FNIP1: variants seen among roughly 807,000 people sequenced by gnomAD.
The protein encoded by FNIP1 is folliculin-interacting protein 1.
Under a neutral mutation model 124.5 loss-of-function variants are expected in FNIP1, and 40 were observed. That is an observed-to-expected ratio of 0.32 (90% confidence interval 0.25 to 0.42). The LOEUF (loss-of-function observed/expected upper bound fraction) is 0.42. FNIP1 is among the 10% of genes least tolerant of loss of function. The pLI is 1.00. For missense variants in FNIP1, 1,176 were observed against 1,403.7 expected, an observed-to-expected ratio of 0.84 and a Z score of 2.59; for synonymous variants, 472 against 470.6, an observed-to-expected ratio of 1.00 and a Z score of -0.04.
chr5:131,706,587 C>T, intron 8 of FNIP1, 41 bp from the exon 9 acceptor site: 1 of 1,441,772 alleles, frequency 6.9e-7, no homozygotes, highest in Non-Finnish European at 9.2e-7. Context: ...TCAATAATGA[C>T]TAAGCATAAT....
At chr5:131,650,235 T>C (rs989271585) in intron 16 of FNIP1, among the ~76,000 whole-genome samples, 2 of 152,182 alleles carry the variant, frequency 1.3e-5, no homozygotes, top group African/African-American at 4.8e-5. Flanking sequence ...TAATATTAAG[T>C]CTTTCAATCC....
chr5:131,783,630 TAAAC>T (rs1265349961), intron 1 of FNIP1, among the ~76,000 whole-genome samples: 2 of 151,190 alleles, frequency 1.3e-5, no homozygotes, highest in African/African-American at 2.4e-5. Context: ...AAAACAAAAA[TAAAC>T]AAAATCATGA....
At chr5:131,710,064 T>C (rs1260520808) in intron 7 of FNIP1, among the ~76,000 whole-genome samples, 2 of 152,218 alleles carry the variant, frequency 1.3e-5, no homozygotes, top group African/African-American at 2.4e-5. Flanking sequence ...TAAGCAAATA[T>C]AGTCATATAT....
At chr5:131,687,060 T>C (rs1274583630) in intron 11 of FNIP1, among the ~76,000 whole-genome samples, 1 of 150,848 alleles carries the variant, frequency 6.6e-6, no homozygotes, top group East Asian at 1.9e-4. Flanking sequence ...GTAATTTAAA[T>C]TCCAAAGAAA....
Position 131,750,638 on chromosome 5 carries a change from A to T in FNIP1, c.93-5948T>A, listed in dbSNP as rs187401891. On this transcript the variant is annotated intron_variant, in intron 1 of 17. Transcript: ENST00000510461. The stretch of plus-strand genomic sequence containing the variant: ...TTTCTTTTTTTTTTTTTTTAGACAG[A>T]GTCTCTCTCTGTCTCTCAGGCTGGG... 4.8e-3 allele frequency among the ~76,000 whole-genome samples: 720 copies of T among 148,784 alleles called. 5 individuals carry two copies. The highest frequency in any genetic ancestry group is 0.017 in the African/African-American group (681 of 40,222).
intron 5 of FNIP1, 97 bp downstream of exon 5, chr5:131,718,889 A>G: frequency 2.1e-6 from 2 of 966,914 alleles, no homozygotes; most frequent in Non-Finnish European, 3.2e-6. Context: ...AAGACAGAAA[A>G]TCTGAACTTG....
chr5:131,761,731 G>A, intron 1 of FNIP1, among the ~76,000 whole-genome samples: 1 of 151,448 alleles, frequency 6.6e-6, no homozygotes, highest in East Asian at 1.9e-4. Context: ...AAATACCAAT[G>A]ACATTCTTGA....
chr5:131,647,634 G>A (rs546963737), intron 16 of FNIP1, among the ~76,000 whole-genome samples: 7 of 151,814 alleles, frequency 4.6e-5, no homozygotes, highest in East Asian at 3.9e-4. Context: ...CACCACACCC[G>A]GCTAATTTCT....
At chr5:131,726,878 A>G (rs1415741140) in intron 3 of FNIP1, among the ~76,000 whole-genome samples, 1 of 149,208 alleles carries the variant, frequency 6.7e-6, no homozygotes, top group Non-Finnish European at 1.5e-5. Context: ...GTTCAAACTT[A>G]TTTATTTCTG....
Position 131,642,103 on chromosome 5 carries a change from T to G in FNIP1, c.*2582A>C, listed in dbSNP as rs893646263. The G allele has an allele frequency of 2.0e-5, 3 of 152,764 alleles. No individual in the cohort carries two copies. Among genetic ancestry groups the G allele is most frequent in the Non-Finnish European group, 4.4e-5 (3 of 68,042 alleles). 9.5% of individuals were successfully genotyped at this position (152,764 alleles called of 1,614,324 possible). A position where few individuals can be genotyped will look rare whatever the true frequency, so the allele number is the denominator to read the frequency against. ...TCTATAATGTAAAAGATCCCTTTTT[T>G]ATTTCCTGTTTCAATAAACAGGTTT... On this transcript the variant is annotated 3_prime_UTR_variant, in exon 18 of 18. Transcript: ENST00000510461.
intron 2 of FNIP1, among the ~76,000 whole-genome samples, chr5:131,736,710 A>G (rs1303543244): frequency 6.6e-6 from 1 of 152,244 alleles, no homozygotes; most frequent in African/African-American, 2.4e-5. Flanking sequence ...AAGATTCTCA[A>G]CTGGATCCTT....
chr5:131,786,845 G>A (rs988002211), intron 1 of FNIP1, among the ~76,000 whole-genome samples: 1 of 152,156 alleles, frequency 6.6e-6, no homozygotes, highest in South Asian at 2.1e-4. Flanking sequence ...CCAGAACTAT[G>A]AGCCTTATAA....
intron 11 of FNIP1, among the ~76,000 whole-genome samples, chr5:131,683,392 CA>C (rs879855505): frequency 3.8e-4 from 55 of 143,634 alleles, no homozygotes; most frequent in Non-Finnish European, 4.9e-4. Context: ...ACTAAAAATA[CA>C]AAAAAAAAAA....
At chr5:131,709,133 G>T in intron 8 of FNIP1, 68 bp downstream of exon 8, 1 of 1,258,676 alleles carries the variant, frequency 7.9e-7, no homozygotes. Context: ...AATAAAGGGA[G>T]GGATAAAAAA....
rs554516048 is a variant in FNIP1, at chr5:131,717,187, T to C, written c.531-531A>G. On this transcript the variant is annotated intron_variant, in intron 5 of 17. Transcript: ENST00000510461. Reference sequence around the variant, plus strand: ...AGTGTGTGATGTCCCCCTTCCTGTGTCCATGTGTTCTCATTGTTCAACTCC... The same window carrying C: ...AGTGTGTGATGTCCCCCTTCCTGTGCCCATGTGTTCTCATTGTTCAACTCC... 1.5e-3 allele frequency among the ~76,000 whole-genome samples: 226 copies of C among 151,140 alleles called. 1 individual carries two copies. Among genetic ancestry groups the C allele is most frequent in the African/African-American group, 5.3e-3 (218 of 41,126 alleles).
chr5:131,717,104 A>G (rs1769493148), intron 5 of FNIP1, among the ~76,000 whole-genome samples: 1 of 152,016 alleles, frequency 6.6e-6, no homozygotes, highest in Non-Finnish European at 1.5e-5. Flanking sequence ...TGTCATTTAC[A>G]TTAGGTATAT....
In FNIP1 at chr5:131,693,950, A is replaced by G. The variant is rs145504717; in HGVS notation, c.1202+4967T>C. ...ACACTTCACCGAAAAAGATACACAG[A>G]TGGCAAATAAGCATTTGAAAAAATG... On this transcript the variant is annotated intron_variant, in intron 11 of 17. Coordinates refer to ENST00000510461, the MANE Select transcript of FNIP1 (RefSeq NM_133372.3). 2.3e-3 allele frequency among the ~76,000 whole-genome samples: 348 copies of G among 152,314 alleles called. 1 individual carries two copies. Among genetic ancestry groups the G allele is most frequent in the Non-Finnish European group, 4.0e-3 (270 of 68,014 alleles).
intron 16 of FNIP1, among the ~76,000 whole-genome samples, chr5:131,648,173 T>TAAAAAAAAAAA (rs577945348): frequency 8.8e-6 from 1 of 113,312 alleles, no homozygotes. Flanking sequence ...CTACAAAAAT[T>TAAAAAAAAAAA]AAAAAAAAAA....
At chr5:131,665,430 T>C (rs1357890867) in intron 15 of FNIP1, among the ~76,000 whole-genome samples, 1 of 151,900 alleles carries the variant, frequency 6.6e-6, no homozygotes, top group Non-Finnish European at 1.5e-5. Flanking sequence ...GACACTCTCC[T>C]CTTATAATTC....
Sources: allele counts gnomAD v4.1 joint callset (sites outside exome capture counted in the v4.1 genomes callset), GRCh38; gene constraint gnomAD v4.1.1; transcripts MANE v1.5; gene names NCBI Gene and HGNC (gene_info 2026-07-23, HGNC 2026-07-21).